The following WDR4 variants were observed in gnomAD, a reference collection of about 807,000 sequenced individuals.
WDR4 encodes the protein WDR4 tRNA N7-guanosine methyltransferase non-catalytic subunit.
WDR4 carries 47 observed loss-of-function variants against 48.6 expected under a neutral mutation model. The ratio of observed to expected loss-of-function variants is 0.97; its 90% confidence interval spans 0.77 to 1.23. WDR4 has a LOEUF of 1.23. Ranked by LOEUF, WDR4 falls within the 50% of genes most tolerant of loss-of-function variation. The pLI, the probability that WDR4 is intolerant of heterozygous loss-of-function variation, is 0.00. For synonymous variants in WDR4, 268 were observed against 230.0 expected, an observed-to-expected ratio of 1.17 and a Z score of -1.49; for missense variants, 606 against 551.6, an observed-to-expected ratio of 1.10 and a Z score of -0.99.
At chr21:42,844,407 A>C (rs952659775), downstream of WDR4, among the ~76,000 whole-genome samples, 18 of 152,230 alleles carry the variant, frequency 1.2e-4, no homozygotes, top group Admixed American at 3.3e-4. Context: ...GTATCAGTCA[A>C]GAGATAGAAA....
downstream of WDR4, among the ~76,000 whole-genome samples, chr21:42,847,582 T>C (rs1293649222): frequency 6.6e-6 from 1 of 152,098 alleles, no homozygotes; most frequent in Admixed American, 6.5e-5. Flanking sequence ...GAGGAGGGCG[T>C]TCCGTCTCAG....
intron 9 of WDR4, among the ~76,000 whole-genome samples, chr21:42,852,910 C>T (rs538536437): frequency 4.3e-5 from 5 of 117,578 alleles, no homozygotes; most frequent in Non-Finnish European, 6.7e-5. Flanking sequence ...AGCAAAACTC[C>T]GTCTCAAAAA....
At chr21:42,872,473 T>C (rs755970796) in intron 3 of WDR4, among the ~76,000 whole-genome samples, 9 of 151,746 alleles carry the variant, frequency 5.9e-5, no homozygotes, top group Non-Finnish European at 8.8e-5. Flanking sequence ...TAGTCAGGCA[T>C]GGTGGTGTGC....
intron 10 of WDR4, among the ~76,000 whole-genome samples, chr21:42,850,779 G>C (rs1030634859): frequency 4.6e-5 from 7 of 152,206 alleles, no homozygotes; most frequent in African/African-American, 1.7e-4. Flanking sequence ...TTAAGGCATC[G>C]AGTGTGGGAT....
intron 2 of WDR4, among the ~76,000 whole-genome samples, chr21:42,875,975 G>A (rs886342603): frequency 1.4e-5 from 2 of 139,032 alleles, no homozygotes; most frequent in East Asian, 2.1e-4. Flanking sequence ...TGGAGAGTGC[G>A]GTGGCGCAAC....
At chr21:42,883,018 G>C (rs1439705414), upstream of WDR4, among the ~76,000 whole-genome samples, 2 of 148,328 alleles carry the variant, frequency 1.3e-5, no homozygotes, top group African/African-American at 2.5e-5. Flanking sequence ...ACAACCGCTT[G>C]AACGTGGGAG....
At chr21:42,885,602 T>C in the WDR4 span, among the ~76,000 whole-genome samples, 2 of 102,088 alleles carry the variant, frequency 2.0e-5, no homozygotes, top group East Asian at 4.4e-4. Flanking sequence ...AGCGCAAAAC[T>C]CCATCAAAAA....
the WDR4 span, among the ~76,000 whole-genome samples, chr21:42,884,948 G>A: frequency 1.3e-5 from 2 of 151,984 alleles, no homozygotes; most frequent in Admixed American, 1.3e-4. Flanking sequence ...GCTAATTTTT[G>A]TATTTTTGAT....
Sources: allele counts gnomAD v4.1 joint callset (sites outside exome capture counted in the v4.1 genomes callset), GRCh38; gene constraint gnomAD v4.1.1; transcripts MANE v1.5; gene names NCBI Gene and HGNC (gene_info 2026-07-23, HGNC 2026-07-21).